The following PARD3B variants were observed in gnomAD, a reference collection of about 807,000 sequenced individuals.
PARD3B encodes par-3 family cell polarity regulator beta.
A neutral mutation model predicts 130.2 loss-of-function variants in PARD3B; 103 were observed. That is an observed-to-expected ratio of 0.79 (90% CI 0.67 to 0.93). The LOEUF is 0.93. Among genes scored for constraint, PARD3B ranks in the 40% least tolerant of loss-of-function variants. The pLI, the probability that PARD3B is intolerant of heterozygous loss-of-function variation, is 0.00. For missense variants in PARD3B, 1,609 were observed against 1,499.2 expected (o/e 1.07, Z -1.21); for synonymous variants, 583 against 553.2 (o/e 1.05, Z -0.76).
chr2:204,987,406 A>C (rs941222381), intron 3 of PARD3B, among the ~76,000 whole-genome samples: 1 of 152,198 alleles, frequency 6.6e-6, no homozygotes, highest in Non-Finnish European at 1.5e-5. Flanking sequence ...TTCATGAAGA[A>C]TATTTCTTAT....
intron 1 of PARD3B, among the ~76,000 whole-genome samples, chr2:204,627,985 GTT>G (rs3051373): frequency 0.64 from 91,946 of 143,292 alleles, 31,442 homozygotes; most frequent in Non-Finnish European, 0.77. Context: ...GTTTTTTTGC[GTT>G]TTTTTTTTTT....
intron 13 of PARD3B, among the ~76,000 whole-genome samples, chr2:205,178,472 A>C (rs1488418866): frequency 2.6e-5 from 4 of 152,120 alleles, no homozygotes; most frequent in Non-Finnish European, 5.9e-5. Context: ...AGAAATTAAA[A>C]ATTTTCTTGA....
intron 2 of PARD3B, among the ~76,000 whole-genome samples, chr2:204,892,043 G>C (rs1388060610): frequency 6.6e-6 from 1 of 152,202 alleles, no homozygotes; most frequent in Non-Finnish European, 1.5e-5. Flanking sequence ...CTGAGAGGGA[G>C]AGAGACAATA....
rs557798268 is a variant in PARD3B at position 204,947,615 on chromosome 2, A to G, written c.223-17537A>G. Among the ~76,000 whole-genome samples, 1,096 of 125,138 alleles carry G rather than the reference A, an allele frequency of 8.8e-3. 16 individuals are homozygous for G. The highest frequency in any genetic ancestry group is 0.032 in the African/African-American group (1,045 of 32,558). 82.1% of individuals were successfully genotyped at this position (125,138 alleles called of 152,430 possible). ...GCTAAAGTATTTTCCTTGTTTACTT[A>G]TTAACTAGCCACATGTCTCTAGAAA... is the stretch of plus-strand genomic sequence containing the variant. On this transcript the variant is annotated intron_variant, in intron 2 of 22. Coordinates refer to ENST00000406610, the MANE Select transcript of PARD3B (RefSeq NM_001302769.2).
At chr2:205,391,982 C>T (rs2045875625) in intron 18 of PARD3B, among the ~76,000 whole-genome samples, 1 of 152,076 alleles carries the variant, frequency 6.6e-6, no homozygotes, top group South Asian at 2.1e-4. Flanking sequence ...TCTTACAAAT[C>T]GTCCATTCAG....
intron 3 of PARD3B, among the ~76,000 whole-genome samples, chr2:205,022,791 C>T (rs993105181): frequency 6.6e-6 from 1 of 152,172 alleles, no homozygotes; most frequent in Non-Finnish European, 1.5e-5. Context: ...AACTGGGACA[C>T]TGGGTTTTCC....
intron 1 of PARD3B, among the ~76,000 whole-genome samples, chr2:204,554,167 G>C (rs560487668): frequency 5.9e-5 from 9 of 151,408 alleles, no homozygotes; most frequent in Admixed American, 5.9e-4. Context: ...CCTCCTCTAC[G>C]TCTTAGCACT....
At chr2:205,099,937 A>G (rs1702641495) in intron 4 of PARD3B, among the ~76,000 whole-genome samples, 1 of 152,176 alleles carries the variant, frequency 6.6e-6, no homozygotes, top group South Asian at 2.1e-4. Flanking sequence ...TTCTTTTTAA[A>G]GTCTGTAGTC....
chr2:204,621,480 A>C (rs1346319187), intron 1 of PARD3B, among the ~76,000 whole-genome samples: 2 of 152,220 alleles, frequency 1.3e-5, no homozygotes, highest in African/African-American at 4.8e-5. Context: ...AATATCCTTG[A>C]ATTAATTTTG....
chr2:204,938,393 C>T (rs989603428), intron 2 of PARD3B, among the ~76,000 whole-genome samples: 3 of 152,164 alleles, frequency 2.0e-5, no homozygotes, highest in Non-Finnish European at 2.9e-5. Flanking sequence ...GTTCCCTCTG[C>T]GTGGAATTCC....
intron 21 of PARD3B, among the ~76,000 whole-genome samples, chr2:205,504,992 A>G (rs1293040477): frequency 6.6e-6 from 1 of 152,256 alleles, no homozygotes; most frequent in Non-Finnish European, 1.5e-5. Flanking sequence ...AACCAAGCCA[A>G]ATGTCCAACA....
At chr2:205,131,637 A>G (rs2032006056) in intron 10 of PARD3B, among the ~76,000 whole-genome samples, 3 of 152,222 alleles carry the variant, frequency 2.0e-5, no homozygotes, top group East Asian at 1.9e-4. Context: ...GAAAACCTTC[A>G]AGAACATGAC....
At chr2:205,523,239 A>ATT (rs2051169865) in intron 21 of PARD3B, among the ~76,000 whole-genome samples, 1 of 146,584 alleles carries the variant, frequency 6.8e-6, no homozygotes, top group Admixed American at 6.9e-5. Context: ...ATATATATAT[A>ATT]TATTTATATA....
rs2055530985 is a variant in PARD3B at position 205,619,375 on chromosome 2, C to T, written c.*3562C>T. On this transcript the variant is annotated 3_prime_UTR_variant, in exon 23 of 23. Transcript: ENST00000406610. ...TAAAGAGTTTGGTCTGAATGTGTGT[C>T]TGTACAATTCCCTTTGGCATTAAAC... 6.6e-6 allele frequency: 1 copy of T among 152,200 alleles called. No individual in the cohort carries two copies. The highest frequency in any genetic ancestry group is 1.5e-5 in the Non-Finnish European group (1 of 68,040). The allele number at this position is 152,200 out of a possible 1,614,324, so 9.4% of individuals were successfully genotyped here. A position where few individuals can be genotyped will look rare whatever the true frequency, so the allele number is the denominator to read the frequency against.
intron 3 of PARD3B, among the ~76,000 whole-genome samples, chr2:205,044,498 C>CT (rs1698627509): frequency 6.7e-6 from 1 of 149,996 alleles, no homozygotes; most frequent in South Asian, 2.1e-4. Context: ...GATTGCCATT[C>CT]TAACTGGTGT....
intron 20 of PARD3B, among the ~76,000 whole-genome samples, chr2:205,482,968 C>A (rs905944417): frequency 2.0e-5 from 3 of 151,910 alleles, no homozygotes; most frequent in Admixed American, 6.6e-5. Context: ...CAGCTGTGAG[C>A]GGCTGAATTC....
Position 205,265,942 on chromosome 2 carries a change from T to G in PARD3B, c.2185+20120T>G, listed in dbSNP as rs1301071328. On this transcript the variant is annotated intron_variant, in intron 16 of 22. Transcript: ENST00000406610. This position sits in a 1 kb window ranked among gnomAD's most constrained non-coding sequence, Gnocchi z 4.3. The stretch of plus-strand genomic sequence containing the variant: ...TAAATCTTGAGAGAAGGGCTTTTGA[T>G]TTTTGTTAAAAGCAGCATGCACATC... Among the ~76,000 whole-genome samples the G allele has an allele frequency of 6.6e-6, 1 of 152,092 alleles. No individual in the cohort carries two copies.
intron 18 of PARD3B, among the ~76,000 whole-genome samples, chr2:205,356,392 C>T (rs908542460): frequency 1.3e-5 from 2 of 151,950 alleles, no homozygotes; most frequent in African/African-American, 4.8e-5. Context: ...TGCTCTGTCA[C>T]CCAGGCTGGA....
intron 2 of PARD3B, among the ~76,000 whole-genome samples, chr2:204,925,614 G>A (rs564746483): frequency 5.6e-4 from 86 of 152,240 alleles, no homozygotes; most frequent in Middle Eastern, 3.4e-3. Flanking sequence ...GAAGGAATAA[G>A]CTAGTCAGGA....
Sources: allele counts gnomAD v4.1 joint callset (sites outside exome capture counted in the v4.1 genomes callset), GRCh38; gene constraint gnomAD v4.1.1; non-coding constraint Gnocchi (gnomAD v3.1); transcripts MANE v1.5; gene names NCBI Gene and HGNC (gene_info 2026-07-23, HGNC 2026-07-21).